ATG9B: variants seen among roughly 807,000 people sequenced by gnomAD.
ATG9B encodes autophagy-related protein 9B.
ATG9B carries 92 observed loss-of-function variants against 92.9 expected under a neutral mutation model. The observed-to-expected ratio is 0.99, with a 90% CI of 0.84 to 1.18. The LOEUF is 1.18. Among genes scored for constraint, ATG9B ranks in the 50% most tolerant of loss-of-function variants. The pLI is 0.00. For synonymous variants in ATG9B, 599 were observed against 551.4 expected, an observed-to-expected ratio of 1.09 and a Z score of -1.21; for missense variants, 1,344 against 1,235.0, an observed-to-expected ratio of 1.09 and a Z score of -1.32.
rs774447411 is a variant in ATG9B at position 151,016,836 on chromosome 7, A to G, written c.2290-15T>C. The G allele has an allele frequency of 1.3e-6, 2 of 1,594,418 alleles. No homozygotes were observed. Among genetic ancestry groups the G allele is most frequent in the Non-Finnish European group, 1.7e-6 (2 of 1,171,038 alleles). ...AAGGCCTCAGGCTGGGTGCAAGAGG[A>G]GAGGGAAAGCCAAAGAGGGAGTCAG... On this transcript the variant is annotated splice_polypyrimidine_tract_variant and intron_variant, in intron 9 of 13. Transcript: ENST00000639579.
chr7:151,020,601 C>T (rs774660148), intron 5 of ATG9B, among the ~76,000 whole-genome samples: 2 of 152,198 alleles, frequency 1.3e-5, no homozygotes, highest in Non-Finnish European at 2.9e-5. Context: ...AGCTGTGCCT[C>T]AAAGAAAGAA....
Position 151,024,028 on chromosome 7 carries a change from C to T in ATG9B, c.396G>A (p.Gln132=). The T allele has an allele frequency of 6.3e-7, 1 of 1,592,442 alleles. No individual in the cohort carries two copies. Among genetic ancestry groups the T allele is most frequent in the South Asian group, 1.1e-5 (1 of 87,984 alleles). The change falls in exon 1 of 14, where the codon CAG becomes CAA. Residue 132 remains glutamine, a synonymous_variant. Transcript: ENST00000639579. ...LAPATPTPSQ[Q]CPQDSPGLRV... is the part of the protein sequence containing the mutation. Reference sequence around the variant, plus strand: ...GCAGCCCAGGAGAGTCCTGGGGGCACTGCTGTGAGGGAGTGGGGGTTGCCG... The same window carrying T: ...GCAGCCCAGGAGAGTCCTGGGGGCATTGCTGTGAGGGAGTGGGGGTTGCCG...
downstream of ATG9B, chr7:151,013,682 C>G: frequency 7.0e-7 from 1 of 1,431,742 alleles, no homozygotes; most frequent in Non-Finnish European, 9.5e-7. Flanking sequence ...CGCCCCCGCG[C>G]CCACCCCCAC....
Position 151,018,744 on chromosome 7 carries a change from C to G in ATG9B, c.1594G>C (p.Val532Leu), listed in dbSNP as rs781777115. Residue 532 changes from valine (V) to leucine (L), a missense_variant, in exon 6 of 14, where the codon GTT becomes CTT. Val to Leu is a conservative substitution (Grantham distance 32). Transcript: ENST00000639579. The surrounding 1 kb of genome is among the most constrained non-coding windows in gnomAD (Gnocchi z 4.7). ...PLRTLLARQL[V>L]FFAGALFAAL... ...GCGAAGAGTGCACCCGCGAAGAAAA[C>G]GAGCTGGCGGGCCAGCAGCGTGCGC... is the stretch of plus-strand genomic sequence containing the variant. 6.4e-7 allele frequency: 1 copy of G among 1,570,852 alleles called. No individual in the cohort carries two copies.
chr7:151,018,670 C>T lies in ATG9B; in HGVS notation c.1668G>A (p.Glu556=). ...GCGCGGTCATGGCGGTGAGCACGTG[C>T]TCCACGGCTAGCACGTCCTCGTCGT... ...TVYDEDVLAV[E]HVLTAMTALG... is the part of the protein sequence containing the mutation. Residue 556 remains glutamate (E), a synonymous_variant, in exon 6 of 14, where the codon GAG becomes GAA. Transcript: ENST00000639579. The surrounding 1 kb of genome is among the most constrained non-coding windows in gnomAD (Gnocchi z 4.7). 6.2e-7 allele frequency: 1 copy of T among 1,607,080 alleles called. No homozygotes were observed. The highest frequency in any genetic ancestry group is 8.5e-7 in the Non-Finnish European group (1 of 1,178,880).
chr7:151,016,851 G>A (rs772438451), intron 9 of ATG9B, 30 bp from the exon 10 acceptor site: 13 of 1,584,954 alleles, frequency 8.2e-6, no homozygotes. Context: ...GAAAGCCAAA[G>A]AGGGAGTCAG....
At chr7:151,019,801 C>G (rs1255867814) in intron 5 of ATG9B, 1 of 162,366 alleles carries the variant, frequency 6.2e-6, no homozygotes, top group Admixed American at 6.3e-5. Flanking sequence ...GCAGGCAGAT[C>G]GTCTGAGCTT....
At chr7:151,023,548 G>C (rs897843982) in intron 2 of ATG9B, 39 bp from the exon 3 acceptor site, 8 of 1,612,332 alleles carry the variant, frequency 5.0e-6, no homozygotes, top group Non-Finnish European at 5.9e-6. Context: ...GGCACGGGGG[G>C]CCTCTCCTGA....
intron 3 of ATG9B, 87 bp from the exon 4 acceptor site, chr7:151,023,293 T>C (rs1185309833): frequency 5.0e-6 from 8 of 1,603,746 alleles, no homozygotes; most frequent in Non-Finnish European, 6.0e-6. Flanking sequence ...GAGCAGCCCA[T>C]GGTTATCCTC....
At position 151,015,574 on chromosome 7, in the gene ATG9B, T is replaced by C. The variant is rs1010197476; in HGVS notation, c.*154A>G. On this transcript the variant is annotated 3_prime_UTR_variant, in exon 14 of 14. Coordinates refer to ENST00000639579, the MANE Select transcript of ATG9B (RefSeq NM_001317056.2). ...CTCCTTGCCTACCTTTTCTCTGTTC[T>C]CGGGGCGAGTTCCTCACTGACTCCC... The C allele has an allele frequency of 1.2e-5, 3 of 257,186 alleles. No individual in the cohort carries two copies. Among genetic ancestry groups the C allele is most frequent in the Admixed American group, 1.1e-4 (2 of 18,324 alleles). The allele number at this position is 257,186 out of a possible 1,614,324, so 15.9% of individuals were successfully genotyped here. A position where few individuals can be genotyped will look rare whatever the true frequency, so the allele number is the denominator to read the frequency against.
intron 8 of ATG9B, 53 bp downstream of exon 8, chr7:151,017,818 G>T: frequency 6.7e-7 from 1 of 1,501,810 alleles, no homozygotes; most frequent in Non-Finnish European, 8.9e-7. Context: ...CTCCCGAGAG[G>T]CAAGCGAACT....
Position 151,022,387 on chromosome 7 carries a change from C to A in ATG9B, c.821+658G>T, listed in dbSNP as rs901616522. Among the ~76,000 whole-genome samples, 2 of 151,058 alleles carry A rather than the reference C, an allele frequency of 1.3e-5. 1 individual carries two copies. Among genetic ancestry groups the A allele is most frequent in the Non-Finnish European group, 3.0e-5 (2 of 67,708 alleles). On this transcript the variant is annotated intron_variant, in intron 4 of 13. Coordinates refer to ENST00000639579, the MANE Select transcript of ATG9B (RefSeq NM_001317056.2). ...CTGGCTTCAAGCAATCCTCCTGCCT[C>A]AGCCTCCCAAAGTGCTGGGATTACA...
At chr7:151,020,648 G>C (rs529904097) in intron 5 of ATG9B, among the ~76,000 whole-genome samples, 1 of 152,360 alleles carries the variant, frequency 6.6e-6, no homozygotes, top group South Asian at 2.1e-4. Context: ...ACTCAAGATG[G>C]TGAGGAAACA....
At chr7:151,021,390 A>G in intron 4 of ATG9B, 61 bp from the exon 5 acceptor site, 1 of 1,498,832 alleles carries the variant, frequency 6.7e-7, no homozygotes, top group Non-Finnish European at 8.9e-7. Flanking sequence ...GAGGCAGACC[A>G]GACTTCGGGA....
rs1795620817 is a variant in ATG9B, at chr7:151,018,735, CGAA to C, written c.1600_1602del (p.Phe534del). ...AGCAGCGCGGCGAAGAGTGCACCCG[CGAA>C]GAAAACGAGCTGGCGGGCCAGCAGC... On this transcript the variant is annotated inframe_deletion, in exon 6 of 14. Transcript: ENST00000639579. This position sits in a 1 kb window ranked among gnomAD's most constrained non-coding sequence, Gnocchi z 4.7. 6.3e-7 allele frequency: 1 copy of C among 1,574,976 alleles called. No individual in the cohort carries two copies. Among genetic ancestry groups the C allele is most frequent in the African/African-American group, 1.4e-5 (1 of 72,000 alleles).
At chr7:151,014,140 C>T (rs564937301), downstream of ATG9B, 4 of 1,610,034 alleles carry the variant, frequency 2.5e-6, no homozygotes, top group Admixed American at 6.7e-5. Context: ...GGCGTTCGAC[C>T]CTCCCGGCTC....
Position 151,018,101 on chromosome 7 carries a change from C to T in ATG9B, c.1873-51G>A. The T allele has an allele frequency of 1.3e-6, 2 of 1,525,428 alleles. No homozygotes were observed. Among genetic ancestry groups the T allele is most frequent in the Admixed American group, 2.0e-5 (1 of 49,230 alleles). The allele number at this position is 1,525,428 out of a possible 1,614,324, so 94.5% of individuals were successfully genotyped here. ...CAGGGGTCGCTGAGGGGCCCACGCG[C>T]GTTATCAGGACCAAGCAGTCCCCAG... On this transcript the variant is annotated intron_variant, in intron 7 of 13. Coordinates refer to ENST00000639579, the MANE Select transcript of ATG9B (RefSeq NM_001317056.2). The surrounding 1 kb of genome is among the most constrained non-coding windows in gnomAD (Gnocchi z 4.7).
rs150294297 is a variant in ATG9B at position 151,019,830 on chromosome 7, T to C, written c.964-456A>G. 568 of 157,300 alleles carry C rather than the reference T, an allele frequency of 3.6e-3. 2 individuals carry two copies. The highest frequency in any genetic ancestry group is 0.013 in the African/African-American group (538 of 41,772). 9.7% of individuals were successfully genotyped at this position (157,300 alleles called of 1,614,324 possible). On this transcript the variant is annotated intron_variant, in intron 5 of 13. Transcript: ENST00000639579. ...TGAGCTTAGGAGCTCGAGACCAGCC[T>C]GGGCAACATGGTGAGACACTGTCTC...
At position 151,024,358 on chromosome 7, in the gene ATG9B, G is replaced by T; in HGVS notation, c.66C>A (p.Pro22=). The T allele has an allele frequency of 7.2e-7, 1 of 1,395,594 alleles. No homozygotes were observed. Among genetic ancestry groups the T allele is most frequent in the East Asian group, 2.7e-5 (1 of 37,220 alleles). The allele number at this position is 1,395,594 out of a possible 1,614,324, so 86.5% of individuals were successfully genotyped here. ...GCATGGGGAGGAGGGGCACCGATCC[G>T]GGCCCCAGATCTCCCCACCGCCCCA... The part of the protein sequence containing the change: ...RRLGRWGDLG[P]GSVPLLPMPL... The change falls in exon 1 of 14, where the codon CCC becomes CCA. Residue 22 remains proline (P), a synonymous_variant. Transcript: ENST00000639579.
Sources: gnomAD v4.1 joint callset for allele counts (sites outside exome capture counted in the v4.1 genomes callset) on GRCh38, gnomAD v4.1.1 for gene constraint, Gnocchi (gnomAD v3.1) non-coding constraint, MANE v1.5 for transcripts, NCBI Gene and HGNC (gene_info 2026-07-23, HGNC 2026-07-21) for gene names.